The following KDM4C variants were observed in gnomAD, a reference collection of about 807,000 sequenced individuals.
KDM4C encodes the protein lysine demethylase 4C, also known as lysine-specific demethylase 4C.
A neutral mutation model predicts 129.3 loss-of-function variants in KDM4C; 81 were observed. That is an observed-to-expected ratio of 0.63 (90% confidence interval 0.52 to 0.75). KDM4C has a LOEUF of 0.75. KDM4C is among the 30% of genes least tolerant of loss of function. The pLI, the probability that KDM4C is intolerant of heterozygous loss-of-function variation, is 0.00. For synonymous variants in KDM4C, 573 were observed against 456.1 expected, an observed-to-expected ratio of 1.26 and a Z score of -3.26; for missense variants, 1,457 against 1,304.0, an observed-to-expected ratio of 1.12 and a Z score of -1.81.
intron 19 of KDM4C, among the ~76,000 whole-genome samples, chr9:7,146,431 C>G (rs1432282073): frequency 6.6e-6 from 1 of 152,134 alleles, no homozygotes; most frequent in Non-Finnish European, 1.5e-5. Context: ...TTACAGATTG[C>G]TTTGTCAAAA....
chr9:7,003,492 T>A (rs1435953626), intron 12 of KDM4C, among the ~76,000 whole-genome samples: 1 of 152,038 alleles, frequency 6.6e-6, no homozygotes, highest in Non-Finnish European at 1.5e-5. Flanking sequence ...GTTTCTTATT[T>A]AAAGTGTATA....
chr9:7,058,585 A>G (rs181473765), intron 17 of KDM4C, among the ~76,000 whole-genome samples: 1 of 152,324 alleles, frequency 6.6e-6, no homozygotes, highest in East Asian at 1.9e-4. Context: ...AAACCAAGGC[A>G]TCAAATTGCA....
chr9:6,792,940 C>T (rs1564016193), intron 1 of KDM4C, 32 bp from the exon 2 acceptor site: 3 of 1,607,628 alleles, frequency 1.9e-6, no homozygotes, highest in Admixed American at 1.7e-5. Flanking sequence ...TATAATAATT[C>T]AGTTCTGTTG....
intron 17 of KDM4C, among the ~76,000 whole-genome samples, chr9:7,083,878 T>A (rs1834823662): frequency 6.6e-6 from 1 of 152,158 alleles, no homozygotes; most frequent in South Asian, 2.1e-4. Flanking sequence ...TGATTTGAAT[T>A]CCTCAACGGG....
chr9:7,103,318 T>C (rs913253086), intron 17 of KDM4C, among the ~76,000 whole-genome samples: 6 of 152,238 alleles, frequency 3.9e-5, no homozygotes, highest in Non-Finnish European at 8.8e-5. Flanking sequence ...AGACCTGTCA[T>C]GCAGGAGGGC....
intron 20 of KDM4C, among the ~76,000 whole-genome samples, chr9:7,167,749 A>T (rs1844542266): frequency 6.6e-6 from 1 of 152,244 alleles, no homozygotes; most frequent in Admixed American, 6.5e-5. Flanking sequence ...TGCCTGAGAG[A>T]CATACCCACC....
At chr9:7,091,946 G>A (rs898689653) in intron 17 of KDM4C, among the ~76,000 whole-genome samples, 4 of 152,196 alleles carry the variant, frequency 2.6e-5, no homozygotes, top group African/African-American at 9.7e-5. Flanking sequence ...GCTGTTTCCT[G>A]AAGTGTTATT....
intron 8 of KDM4C, among the ~76,000 whole-genome samples, chr9:6,928,954 C>A (rs1168758378): frequency 3.9e-5 from 6 of 152,196 alleles, no homozygotes; most frequent in Non-Finnish European, 8.8e-5. Context: ...CAGCACTACC[C>A]ACACCCTTGT....
At chr9:7,092,232 A>G (rs1587590659) in intron 17 of KDM4C, among the ~76,000 whole-genome samples, 4 of 152,260 alleles carry the variant, frequency 2.6e-5, no homozygotes. Context: ...CACCACAGTA[A>G]TCCTCTGAAG....
rs143552310 is a variant in KDM4C, at chr9:6,760,114, T to C, written c.-18+1911T>C. 5.7e-3 allele frequency among the ~76,000 whole-genome samples: 861 copies of C among 152,208 alleles called. 6 individuals are homozygous for C. The highest frequency in any genetic ancestry group is 0.01 in the Middle Eastern group (3 of 294). Reference sequence around the variant, plus strand: ...GTCATTGCCTAGTTCCCTCCAATTCTATCCCCTTCTGTCCCTAGGCAACCA... The same window carrying C: ...GTCATTGCCTAGTTCCCTCCAATTCCATCCCCTTCTGTCCCTAGGCAACCA... On this transcript the variant is annotated intron_variant, in intron 1 of 21. Coordinates refer to ENST00000381309, the MANE Select transcript of KDM4C (RefSeq NM_015061.6).
intron 1 of KDM4C, among the ~76,000 whole-genome samples, chr9:6,725,711 C>CTTT (rs201307657): frequency 2.3e-5 from 2 of 86,468 alleles, no homozygotes; most frequent in South Asian, 4.0e-4. Context: ...CTTTTCTTTT[C>CTTT]TTTTTTTTTT....
chr9:6,757,297 G>T (rs1350677181), upstream of KDM4C, among the ~76,000 whole-genome samples: 1 of 152,122 alleles, frequency 6.6e-6, no homozygotes, highest in Admixed American at 6.5e-5. Context: ...TTCCTATTGG[G>T]GTCACCTTTG....
At chr9:7,021,158 T>G (rs1268441190) in intron 15 of KDM4C, among the ~76,000 whole-genome samples, 1 of 146,780 alleles carries the variant, frequency 6.8e-6, no homozygotes, top group Non-Finnish European at 1.5e-5. Flanking sequence ...ATATATGTAT[T>G]TTTTTTTTTT....
intron 1 of KDM4C, among the ~76,000 whole-genome samples, chr9:6,771,228 G>C (rs995538555): frequency 6.6e-6 from 1 of 151,622 alleles, no homozygotes; most frequent in East Asian, 1.9e-4. Flanking sequence ...ACTGCACCTG[G>C]CCTGATTGTG....
At chr9:6,995,767 G>T (rs907940407) in intron 12 of KDM4C, among the ~76,000 whole-genome samples, 1 of 152,062 alleles carries the variant, frequency 6.6e-6, no homozygotes, top group South Asian at 2.1e-4. Flanking sequence ...TGCCTGCTGG[G>T]TTCACACCAT....
intron 19 of KDM4C, among the ~76,000 whole-genome samples, chr9:7,163,200 CTTT>C (rs1446092545): frequency 6.6e-6 from 1 of 152,062 alleles, no homozygotes; most frequent in African/African-American, 2.4e-5. Context: ...CCTCAGCATG[CTTT>C]TTATAGTGCC....
intron 1 of KDM4C, chr9:6,721,203 A>T: frequency 1.1e-5 from 3 of 265,906 alleles, no homozygotes; most frequent in East Asian, 1.4e-4. Flanking sequence ...TCTTCCCAGT[A>T]GCTGGGATTA....
At chr9:7,124,969 A>G (rs944524023) in intron 18 of KDM4C, among the ~76,000 whole-genome samples, 7 of 152,106 alleles carry the variant, frequency 4.6e-5, no homozygotes, top group African/African-American at 1.2e-4. Flanking sequence ...ATCTCCCACT[A>G]TACTGTCGCA....
chr9:6,978,876 T>C (rs1833384587), intron 8 of KDM4C: 1 of 152,202 alleles, frequency 6.6e-6, no homozygotes, highest in Non-Finnish European at 1.5e-5. Flanking sequence ...GACCATGGCT[T>C]ATCTGCTGTT....
Sources: gnomAD v4.1 joint callset for allele counts (sites outside exome capture counted in the v4.1 genomes callset) on GRCh38, gnomAD v4.1.1 for gene constraint, MANE v1.5 for transcripts, NCBI Gene and HGNC (gene_info 2026-07-23, HGNC 2026-07-21) for gene names.